SSRP1: variants seen among roughly 807,000 people sequenced by gnomAD.
The protein encoded by SSRP1 is structure specific recognition protein 1.
In SSRP1, 21 loss-of-function variants were observed where a neutral mutation model predicts 84.4. The observed-to-expected ratio is 0.25, with a 90% CI of 0.18 to 0.36. The LOEUF is 0.36. SSRP1 is among the 10% of genes least tolerant of loss of function. The probability of loss-of-function intolerance (pLI) is 1.00; values close to 1 mark genes in which losing one functional copy is unlikely to be tolerated. For synonymous variants in SSRP1, 319 were observed against 318.3 expected (o/e 1.00, Z -0.02); for missense variants, 519 against 900.8 (o/e 0.58, Z 5.43).
chr11:57,329,816 C>A, intron 12 of SSRP1: 1 of 544,314 alleles, frequency 1.8e-6, no homozygotes, highest in Non-Finnish European at 3.3e-6. Context: ...AGCTCATTCC[C>A]ATTCTCTCCT....
Position 57,326,242 on chromosome 11 carries a change from A to T in SSRP1, c.*165T>A. 1 of 662,224 alleles carries T rather than the reference A, an allele frequency of 1.5e-6. No homozygotes were observed. The highest frequency in any genetic ancestry group is 1.8e-5 in the South Asian group (1 of 54,148). The allele number at this position is 662,224 out of a possible 1,614,324, so 41.0% of individuals were successfully genotyped here. ...GCCATCCTTGGGAAGCAGCAGAGTT[A>T]AGACGTCTCCCCACTGCCCTAGTGA... is the stretch of plus-strand genomic sequence containing the variant. On this transcript the variant is annotated 3_prime_UTR_variant, in exon 17 of 17. Coordinates refer to ENST00000278412, the MANE Select transcript of SSRP1 (RefSeq NM_003146.3).
intron 12 of SSRP1, chr11:57,329,802 C>T (rs1049338818): frequency 1.9e-6 from 1 of 515,534 alleles, no homozygotes; most frequent in African/African-American, 1.9e-5. Context: ...AAGTGGCAAG[C>T]ACCAGCTCAT....
At chr11:57,327,022 C>T (rs931411881) in intron 15 of SSRP1, 133 bp from the exon 16 acceptor site, 32 of 1,428,750 alleles carry the variant, frequency 2.2e-5, no homozygotes, top group East Asian at 1.0e-4. Context: ...TAAATAGCTG[C>T]GTCAGCCTGG....
chr11:57,333,458 T>G lies in SSRP1; in HGVS notation c.323A>C (p.Asn108Thr). 1 of 1,614,070 alleles carries G rather than the reference T, an allele frequency of 6.2e-7. No individual in the cohort carries two copies. Among genetic ancestry groups the G allele is most frequent in the Non-Finnish European group, 8.5e-7 (1 of 1,180,016 alleles). The change falls in exon 4 of 17, where the codon AAC (asparagine) becomes ACC (threonine). Residue 108 changes from asparagine to threonine, a missense_variant. Asn to Thr is a moderately conservative substitution (Grantham distance 65). Coordinates refer to ENST00000278412, the MANE Select transcript of SSRP1 (RefSeq NM_003146.3). ...ACCACCAAATTTCACTGTCCCCCAG[T>G]TCCAGCCCTTCACACAAAGGTCCTT... ...MEKDLCVKGW[N>T]WGTVKFGGQL... is the part of the protein sequence containing the mutation.
intron 13 of SSRP1, 168 bp from the exon 14 acceptor site, chr11:57,328,050 TC>T (rs1354232482): frequency 1.6e-5 from 15 of 959,926 alleles, no homozygotes; most frequent in Non-Finnish European, 2.1e-5. Context: ...CCTCTGCAAT[TC>T]AGTGCCTAGC....
intron 3 of SSRP1, among the ~76,000 whole-genome samples, 187 bp downstream of exon 3, chr11:57,334,276 C>G (rs1188708786): frequency 6.6e-6 from 1 of 152,226 alleles, no homozygotes; most frequent in Non-Finnish European, 1.5e-5. Context: ...GGAGTCAAGG[C>G]ACACAGAAAT....
chr11:57,333,224 G>C, intron 4 of SSRP1, 75 bp from the exon 5 acceptor site: 1 of 1,485,560 alleles, frequency 6.7e-7, no homozygotes, highest in South Asian at 1.3e-5. Context: ...ACCAAACTGA[G>C]TTCCACAGAG....
At chr11:57,329,953 C>T (rs1163467827) in intron 12 of SSRP1, 140 bp downstream of exon 12, 6 of 1,028,868 alleles carry the variant, frequency 5.8e-6, no homozygotes, top group African/African-American at 1.6e-5. Context: ...AAAACATTTT[C>T]GTATATCACC....
Position 57,334,649 on chromosome 11 carries a change from C to T in SSRP1, c.55-1G>A. 6.2e-7 allele frequency: 1 copy of T among 1,613,966 alleles called. No homozygotes were observed. The highest frequency in any genetic ancestry group is 8.5e-7 in the Non-Finnish European group (1 of 1,179,996). ...GGCTCAACCTCAGTCGACCATCATT[C>T]TGTAAGAAAAGCAGGCCCAGATGCA... On this transcript the variant is annotated splice_acceptor_variant, in intron 2 of 16. Coordinates refer to ENST00000278412, the MANE Select transcript of SSRP1 (RefSeq NM_003146.3). LOFTEE classifies it high-confidence loss of function.
chr11:57,334,109 C>T (rs1018797836), intron 3 of SSRP1, among the ~76,000 whole-genome samples: 20 of 152,120 alleles, frequency 1.3e-4, no homozygotes, highest in African/African-American at 3.9e-4. Context: ...TCCGAGATTG[C>T]GCCACTGCAC....
Position 57,335,530 on chromosome 11 carries a change from C to T in SSRP1, c.-120+200G>A. The T allele has an allele frequency of 6.9e-6, 2 of 290,066 alleles. No homozygotes were observed. The highest frequency in any genetic ancestry group is 1.4e-5 in the Non-Finnish European group (2 of 145,014). The allele number at this position is 290,066 out of a possible 1,614,324, so 18.0% of individuals were successfully genotyped here. A position where few individuals can be genotyped will look rare whatever the true frequency, so the allele number is the denominator to read the frequency against. ...CTGCCAGGAGCCCGCACATCGCACG[C>T]GACCCAATCCAGCTCAGAGTGCAGG... On this transcript the variant is annotated intron_variant, in intron 1 of 16. Coordinates refer to ENST00000278412, the MANE Select transcript of SSRP1 (RefSeq NM_003146.3). This position sits in a 1 kb window ranked among gnomAD's most constrained non-coding sequence, Gnocchi z 4.6.
At chr11:57,334,332 C>T (rs1351334501) in intron 3 of SSRP1, 131 bp downstream of exon 3, 2 of 1,013,446 alleles carry the variant, frequency 2.0e-6, no homozygotes, top group East Asian at 2.4e-5. Flanking sequence ...TGCCTGATGG[C>T]CTCACAGCCC....
In SSRP1 at chr11:57,333,031, G is replaced by A. The variant is rs768771466; in HGVS notation, c.465C>T (p.Asp155=). The A allele has an allele frequency of 4.1e-5, 66 of 1,614,012 alleles. No individual in the cohort carries two copies. The highest frequency in any genetic ancestry group is 5.0e-5 in the Admixed American group (3 of 60,000). Residue 155 remains aspartate, a synonymous_variant, in exon 5 of 17, where the codon GAC becomes GAT. Coordinates refer to ENST00000278412, the MANE Select transcript of SSRP1 (RefSeq NM_003146.3). ...EVTLEFHQND[D]AEVSLMEVRF... ...GCACCTCCATGAGAGACACCTCTGC[G>A]TCATCGTTTTGGTGGAATTCCAGTG...
chr11:57,334,742 A>G, intron 2 of SSRP1, 94 bp from the exon 3 acceptor site: 1 of 1,449,350 alleles, frequency 6.9e-7, no homozygotes. Flanking sequence ...CTGCAAGTGG[A>G]CTGGCCAGAT....
intron 3 of SSRP1, among the ~76,000 whole-genome samples, chr11:57,334,079 G>A (rs1856153324): frequency 6.6e-6 from 1 of 152,214 alleles, no homozygotes; most frequent in African/African-American, 2.4e-5. Context: ...CTTGAGCCCA[G>A]GAGGCGGAGG....
Position 57,326,266 on chromosome 11 carries a change from G to T in SSRP1, c.*141C>A. ...TAAGACGTCTCCCCACTGCCCTAGT[G>T]ACATACACACCAACAGGAGAGCATG... is the stretch of plus-strand genomic sequence containing the variant. On this transcript the variant is annotated 3_prime_UTR_variant, in exon 17 of 17. Transcript: ENST00000278412. 1 of 781,630 alleles carries T rather than the reference G, an allele frequency of 1.3e-6. No individual in the cohort carries two copies. Among genetic ancestry groups the T allele is most frequent in the South Asian group, 1.6e-5 (1 of 63,694 alleles). The allele number at this position is 781,630 out of a possible 1,614,324, so 48.4% of individuals were successfully genotyped here.
Position 57,326,657 on chromosome 11 carries a change from T to C in SSRP1, c.2058+46A>G, listed in dbSNP as rs772988723. 6.9e-6 allele frequency: 11 copies of C among 1,597,286 alleles called. No homozygotes were observed. In the South Asian group the frequency reaches 1.0e-4, roughly 15 times the overall value. ...CAGACCAACCCCACACAGACACACA[T>C]GCCCCTCACCCTGCCCAGCCCACAG... is the stretch of plus-strand genomic sequence containing the variant. On this transcript the variant is annotated intron_variant, in intron 16 of 16. Coordinates refer to ENST00000278412, the MANE Select transcript of SSRP1 (RefSeq NM_003146.3).
intron 13 of SSRP1, 113 bp from the exon 14 acceptor site, chr11:57,327,995 A>G: frequency 7.7e-7 from 1 of 1,305,546 alleles, no homozygotes; most frequent in East Asian, 2.4e-5. Flanking sequence ...AAATAGCATC[A>G]GGCGAGACGA....
rs757452582 is a variant in SSRP1 at position 57,326,212 on chromosome 11, A to C, written c.*195T>G. ...CCCACCCTATCTCTCCCCAAATTAT[A>C]AACAGCCATCCTTGGGAAGCAGCAG... On this transcript the variant is annotated 3_prime_UTR_variant, in exon 17 of 17. Transcript: ENST00000278412. The C allele has an allele frequency of 3.3e-6, 2 of 609,332 alleles. No homozygotes were observed. The highest frequency in any genetic ancestry group is 5.8e-6 in the Non-Finnish European group (2 of 344,672). The allele number at this position is 609,332 out of a possible 1,614,324, so 37.7% of individuals were successfully genotyped here.
Sources: allele counts gnomAD v4.1 joint callset (sites outside exome capture counted in the v4.1 genomes callset), GRCh38; gene constraint gnomAD v4.1.1; non-coding constraint Gnocchi (gnomAD v3.1); transcripts MANE v1.5; gene names NCBI Gene and HGNC (gene_info 2026-07-23, HGNC 2026-07-21).